Variants in RFX7 observed in about 807,000 individuals in gnomAD.
RFX7 encodes the protein regulatory factor X7, also known as DNA-binding protein RFX7.
RFX7 carries 26 observed loss-of-function variants against 111.8 expected under a neutral mutation model. The ratio of observed to expected loss-of-function variants is 0.23; its 90% CI spans 0.17 to 0.32. The LOEUF (loss-of-function observed/expected upper bound fraction) is 0.32. Ranked by LOEUF, RFX7 falls within the 10% of genes least tolerant of loss-of-function variation. The probability of loss-of-function intolerance (pLI) is 1.00; values close to 1 mark genes in which losing one functional copy is unlikely to be tolerated. For missense variants in RFX7, 1,573 were observed against 1,772.9 expected (o/e 0.89, Z 2.02); for synonymous variants, 624 against 624.4 (o/e 1.00, Z 0.01).
chr15:56,198,981 C>G (rs576606694), intron 2 of RFX7, among the ~76,000 whole-genome samples: 1 of 150,928 alleles, frequency 6.6e-6, no homozygotes, highest in East Asian at 2.0e-4. Context: ...TTCAACATAG[C>G]AAGACCCCAT....
intron 5 of RFX7, among the ~76,000 whole-genome samples, chr15:56,136,057 C>G (rs1354829572): frequency 6.6e-6 from 1 of 152,074 alleles, no homozygotes; most frequent in Non-Finnish European, 1.5e-5. Context: ...TGTGATGCCT[C>G]CAGCTTTGTT....
At chr15:56,132,163 G>C (rs1475459022) in intron 5 of RFX7, among the ~76,000 whole-genome samples, 2 of 152,036 alleles carry the variant, frequency 1.3e-5, no homozygotes, top group African/African-American at 2.4e-5. Flanking sequence ...AAAATTTTCA[G>C]TTAATGTGTT....
rs1363418459 is a variant in RFX7 at position 56,091,140 on chromosome 15, C to T, written c.*2205G>A. 1 of 152,530 alleles carries T rather than the reference C, an allele frequency of 6.6e-6. No individual in the cohort carries two copies. The highest frequency in any genetic ancestry group is 1.5e-5 in the Non-Finnish European group (1 of 67,988). 9.4% of individuals were successfully genotyped at this position (152,530 alleles called of 1,614,324 possible). On this transcript the variant is annotated 3_prime_UTR_variant, in exon 10 of 10. Transcript: ENST00000559447. The stretch of plus-strand genomic sequence containing the variant: ...TCATGTATTAACATGGTGAAGCAAA[C>T]TAAACTTAATTCTTCCTGCTGTAAT...
At chr15:56,230,597 G>A (rs1295283162) in intron 2 of RFX7, among the ~76,000 whole-genome samples, 3 of 152,126 alleles carry the variant, frequency 2.0e-5, no homozygotes, top group African/African-American at 4.8e-5. Context: ...CTACCACTAG[G>A]TGAAAAATAA....
At chr15:56,223,261 A>C (rs1425070232) in intron 2 of RFX7, among the ~76,000 whole-genome samples, 1 of 152,194 alleles carries the variant, frequency 6.6e-6, no homozygotes, top group Non-Finnish European at 1.5e-5. Flanking sequence ...AAGGTTTCTG[A>C]AGCTTCTCTA....
Position 56,096,028 on chromosome 15 carries a change from G to A in RFX7, c.1700C>T (p.Ala567Val). 6.2e-7 allele frequency: 1 copy of A among 1,613,030 alleles called. No individual in the cohort carries two copies. The highest frequency in any genetic ancestry group is 1.1e-5 in the South Asian group (1 of 90,920). ...TGTATTACTTTTCTGCCCCAAAAGGGCACTAGGTGTCTGGGGAGCTTTAGC... is the reference window on the plus strand; with the variant it reads ...TGTATTACTTTTCTGCCCCAAAAGGACACTAGGTGTCTGGGGAGCTTTAGC... ...DEAKAPQTPS[A>V]LLGQKSNTDG... The change falls in exon 10 of 10, where the codon GCC becomes GTC. Residue 567 changes from alanine to valine, a missense_variant. By Grantham distance (64) the Ala-to-Val change is moderately conservative (BLOSUM62 0). Around this residue, in one of 7 missense-constraint regions of RFX7, gnomAD observed 625 missense variants for 632.2 expected, o/e 0.99. Coordinates refer to ENST00000559447, the MANE Select transcript of RFX7 (RefSeq NM_022841.7).
In RFX7 at chr15:56,096,234, A is replaced by G. The variant is rs2041675509; in HGVS notation, c.1494T>C (p.Ala498=). 2 of 1,613,830 alleles carry G rather than the reference A, an allele frequency of 1.2e-6. No individual in the cohort carries two copies. The highest frequency in any genetic ancestry group is 1.7e-5 in the Admixed American group (1 of 59,998). Residue 498 remains alanine (A), a synonymous_variant, in exon 10 of 10, where the codon GCT becomes GCC. Coordinates refer to ENST00000559447, the MANE Select transcript of RFX7 (RefSeq NM_022841.7). ...TCCTTGATTCTTCTGTTGTTCCTGTAGCACTGCTGACTGAGGCAGAATGTT... is the reference window on the plus strand; with the variant it reads ...TCCTTGATTCTTCTGTTGTTCCTGTGGCACTGCTGACTGAGGCAGAATGTT... ...PLKHSASVSS[A]TGTTEESRSV... is the part of the protein sequence containing the mutation.
intron 5 of RFX7, among the ~76,000 whole-genome samples, chr15:56,140,084 G>A (rs2042367389): frequency 6.6e-6 from 1 of 152,038 alleles, no homozygotes; most frequent in African/African-American, 2.4e-5. Context: ...TCTGTGCCCT[G>A]CCCCCAGAGG....
intron 2 of RFX7, among the ~76,000 whole-genome samples, chr15:56,234,274 T>C (rs547751261): frequency 1.3e-5 from 2 of 152,360 alleles, no homozygotes; most frequent in Admixed American, 1.3e-4. Flanking sequence ...GTGGTAAGAA[T>C]GTCTTATACT....
intron 4 of RFX7, among the ~76,000 whole-genome samples, 158 bp downstream of exon 4, chr15:56,144,243 C>CACCAAAGACTAAAATGATGT (rs1372730772): frequency 6.6e-6 from 1 of 152,110 alleles, no homozygotes; most frequent in East Asian, 1.9e-4. Flanking sequence ...AACCAAATAT[C>CACCAAAGACTAAAATGATGT]ACCAAAGACT....
Position 56,096,209 on chromosome 15 carries a change from T to C in RFX7, c.1519A>G (p.Ser507Gly), listed in dbSNP as rs201968974. 125 of 1,613,924 alleles carry C rather than the reference T, an allele frequency of 7.7e-5. No individual in the cohort carries two copies. The African/African-American group carries it at 1.6e-3, about 20-fold the overall frequency. The change falls in exon 10 of 10, where the codon AGT becomes GGT. Residue 507 changes from serine (S) to glycine (G), a missense_variant. Ser to Gly is a moderately conservative substitution (Grantham distance 56, BLOSUM62 0). Coordinates refer to ENST00000559447, the MANE Select transcript of RFX7 (RefSeq NM_022841.7). ...GAACCATTCTTGATCTGTGGAACACTCCTTGATTCTTCTGTTGTTCCTGTA... is the reference window on the plus strand; with the variant it reads ...GAACCATTCTTGATCTGTGGAACACCCCTTGATTCTTCTGTTGTTCCTGTA... ...SATGTTEESR[S>G]VPQIKNGSVV... is the part of the protein sequence containing the mutation.
Position 56,234,865 on chromosome 15 carries a change from T to A in RFX7, c.161+8260A>T, listed in dbSNP as rs185354742. 6.2e-4 allele frequency among the ~76,000 whole-genome samples: 95 copies of A among 152,308 alleles called. 1 individual carries two copies. The highest frequency in any genetic ancestry group is 4.4e-5 in the Non-Finnish European group (3 of 68,030). ...GAAAATGAGAGTGTTTCATTTAAAT[T>A]CAGTAAAAACTCACTAAAATGGACT... On this transcript the variant is annotated intron_variant, in intron 2 of 9. Coordinates refer to ENST00000559447, the MANE Select transcript of RFX7 (RefSeq NM_022841.7).
rs1357210885 is a variant in RFX7, at chr15:56,109,563, G to C, written c.402-5893C>G. On this transcript the variant is annotated intron_variant, in intron 5 of 9. Coordinates refer to ENST00000559447, the MANE Select transcript of RFX7 (RefSeq NM_022841.7). Reference sequence around the variant, plus strand: ...GGCTGCCCAGTCTGGAAAGTGAGGAGCGTCTCTGCCCAGCCGCCATCCCAT... The same window carrying C: ...GGCTGCCCAGTCTGGAAAGTGAGGACCGTCTCTGCCCAGCCGCCATCCCAT... 4.2e-3 allele frequency among the ~76,000 whole-genome samples: 636 copies of C among 151,824 alleles called. 9 individuals are homozygous for C. The highest frequency in any genetic ancestry group is 0.015 in the African/African-American group (614 of 41,380).
At chr15:56,196,339 T>C (rs1304423656) in intron 2 of RFX7, among the ~76,000 whole-genome samples, 1 of 152,144 alleles carries the variant, frequency 6.6e-6, no homozygotes, top group East Asian at 1.9e-4. Flanking sequence ...GTTGTTATTA[T>C]TCCCATGAAT....
chr15:56,132,140 A>T lies in RFX7; in HGVS notation c.401+10638T>A, dbSNP rs1432735912. On this transcript the variant is annotated intron_variant, in intron 5 of 9. Coordinates refer to ENST00000559447, the MANE Select transcript of RFX7 (RefSeq NM_022841.7). ...ATTAAGAAACATATTTCTAGTCTGT[A>T]GTTAATTTTTCTAAAATTTTCAGTT... 2.0e-5 allele frequency among the ~76,000 whole-genome samples: 3 copies of T among 152,106 alleles called. No homozygotes were observed. In the East Asian group the frequency reaches 5.8e-4, roughly 29 times the overall value.
At position 56,243,114 on chromosome 15, in the gene RFX7, G is replaced by T; in HGVS notation, c.161+11C>A. The T allele has an allele frequency of 2.2e-6, 3 of 1,361,580 alleles. No homozygotes were observed. The highest frequency in any genetic ancestry group is 2.9e-6 in the Non-Finnish European group (3 of 1,019,616). 84.3% of individuals were successfully genotyped at this position (1,361,580 alleles called of 1,614,324 possible). A position where few individuals can be genotyped will look rare whatever the true frequency, so the allele number is the denominator to read the frequency against. ...GGGCTTTTTCACGCGAGCGATGGAG[G>T]ATCCTCTTACCAGATGGAGTTCTTG... On this transcript the variant is annotated intron_variant, in intron 2 of 9. Transcript: ENST00000559447.
intron 2 of RFX7, among the ~76,000 whole-genome samples, chr15:56,217,896 G>A (rs2043379217): frequency 6.6e-6 from 1 of 152,006 alleles, no homozygotes; most frequent in Non-Finnish European, 1.5e-5. Context: ...TTCTCCACCT[G>A]GGAGACTGGC....
chr15:56,236,113 T>C (rs1379033302), intron 2 of RFX7, among the ~76,000 whole-genome samples: 1 of 152,172 alleles, frequency 6.6e-6, no homozygotes, highest in Admixed American at 6.5e-5. Context: ...TATATATATA[T>C]GAGCTACGGT....
chr15:56,154,449 C>G (rs2042620894), intron 3 of RFX7, among the ~76,000 whole-genome samples: 1 of 152,164 alleles, frequency 6.6e-6, no homozygotes, highest in Admixed American at 6.5e-5. Context: ...ACCAATGGAA[C>G]AGAACAGAGC....
Sources: allele counts gnomAD v4.1 joint callset (sites outside exome capture counted in the v4.1 genomes callset), GRCh38; gene constraint gnomAD v4.1.1; regional missense constraint gnomAD v4.1.1; transcripts MANE v1.5; gene names NCBI Gene and HGNC (gene_info 2026-07-23, HGNC 2026-07-21).